Variants in FUNDC1 observed in about 807,000 individuals in gnomAD.
FUNDC1 encodes FUN14 domain-containing protein 1.
A neutral mutation model predicts 14.5 loss-of-function variants in FUNDC1; 10 were observed. That is an observed-to-expected ratio of 0.69 (90% CI 0.43 to 1.17). The LOEUF is 1.17. FUNDC1 is among the 50% of genes most tolerant of loss of function. FUNDC1 has a pLI of 0.00. For synonymous variants in FUNDC1, 33 were observed against 39.7 expected (o/e 0.83, Z 0.64); for missense variants, 115 against 113.8 (o/e 1.01, Z -0.05).
chrX:44,533,485 G>C (rs1402686079), intron 3 of FUNDC1, among the ~76,000 whole-genome samples: 1 of 108,660 alleles, frequency 9.2e-6, no homozygotes, highest in African/African-American at 3.4e-5. Flanking sequence ...AAAATTAGCT[G>C]GGTGTGGTGG....
intron 3 of FUNDC1, among the ~76,000 whole-genome samples, chrX:44,528,956 A>G (rs994554382): frequency 9.0e-6 from 1 of 111,663 alleles, no homozygotes; most frequent in African/African-American, 3.3e-5. Context: ...CGGCCTCCCA[A>G]AGTGCTGGGA....
In FUNDC1 at chrX:44,542,793, C is replaced by G. The variant is rs748553429; in HGVS notation, c.28+12G>C. ...CGCGTCCCAGATACCACTTCGGGCC[C>G]TGGCCGCTCACCTTGGGGAGGGGGG... On this transcript the variant is annotated intron_variant, in intron 1 of 4. Coordinates refer to ENST00000378045, the MANE Select transcript of FUNDC1 (RefSeq NM_173794.4). The G allele has an allele frequency of 1.9e-5, 22 of 1,165,287 alleles. No individual in the cohort carries two copies. The African/African-American group carries it at 3.8e-4, about 20-fold the overall frequency.
At chrX:44,541,065 C>T (rs996251880) in intron 2 of FUNDC1, among the ~76,000 whole-genome samples, 2 of 111,920 alleles carry the variant, frequency 1.8e-5, no homozygotes, top group East Asian at 5.6e-4. Flanking sequence ...AATCAAAAAA[C>T]TCATCGTTAT....
At chrX:44,542,764 G>C in intron 1 of FUNDC1, 41 bp downstream of exon 1, 1 of 1,149,628 alleles carries the variant, frequency 8.7e-7, no homozygotes, top group Non-Finnish European at 1.2e-6. Context: ...CGAGAGCTGT[G>C]AGCCGCGTCC....
intron 3 of FUNDC1, among the ~76,000 whole-genome samples, chrX:44,530,062 C>A (rs2038916436): frequency 8.9e-6 from 1 of 111,902 alleles, no homozygotes; most frequent in South Asian, 3.7e-4. Context: ...GACAAGCAAT[C>A]TGCCCCAAGT....
Position 44,533,027 on chromosome X carries a change from G to A in FUNDC1, c.261+5440C>T, listed in dbSNP as rs145746114. Among the ~76,000 whole-genome samples the A allele has an allele frequency of 3.6e-5, 4 of 111,870 alleles. No homozygotes were observed. In the East Asian group the frequency reaches 1.1e-3, roughly 32 times the overall value. On this transcript the variant is annotated intron_variant, in intron 3 of 4. Coordinates refer to ENST00000378045, the MANE Select transcript of FUNDC1 (RefSeq NM_173794.4). Reference sequence around the variant, plus strand: ...TTTGGATCAACACTCTGAACCTGCAGTCTATTAAGGCAGTCACTTCCAACT... The same window carrying A: ...TTTGGATCAACACTCTGAACCTGCAATCTATTAAGGCAGTCACTTCCAACT...
At chrX:44,538,364 G>C (rs2038957173) in intron 3 of FUNDC1, 103 bp downstream of exon 3, 1 of 574,788 alleles carries the variant, frequency 1.7e-6, no homozygotes, top group African/African-American at 2.3e-5. Context: ...CAAGACAAAA[G>C]TCAGCTTCCA....
intron 3 of FUNDC1, among the ~76,000 whole-genome samples, chrX:44,535,612 G>A (rs1438602393): frequency 1.0e-5 from 1 of 98,046 alleles, no homozygotes; most frequent in Admixed American, 1.1e-4. Context: ...GGAGCTTGCA[G>A]TGAGCTGAGA....
chrX:44,532,395 GAA>G (rs746125483), intron 3 of FUNDC1, among the ~76,000 whole-genome samples: 1 of 39,425 alleles, frequency 2.5e-5, no homozygotes, highest in African/African-American at 8.0e-5. Context: ...CTCTGTCTCA[GAA>G]AAAAAAAAAA....
chrX:44,542,438 C>T (rs1364724221), intron 1 of FUNDC1: 7 of 371,175 alleles, frequency 1.9e-5, no homozygotes, highest in Non-Finnish European at 2.8e-5. Context: ...CCATTTTCAT[C>T]AGTGGGAGGA....
intron 3 of FUNDC1, among the ~76,000 whole-genome samples, chrX:44,527,803 A>G (rs1358083463): frequency 8.9e-6 from 1 of 112,110 alleles, no homozygotes; most frequent in African/African-American, 3.2e-5. Flanking sequence ...AATTAAATAG[A>G]TCTTTAATTA....
chrX:44,529,554 C>T (rs2147472051), intron 3 of FUNDC1, among the ~76,000 whole-genome samples: 1 of 111,299 alleles, frequency 9.0e-6, no homozygotes, highest in East Asian at 2.8e-4. Flanking sequence ...TCTCTATATC[C>T]CTAGAGTCCC....
chrX:44,531,318 ACACACACACACACACACAC>A (rs2038924292), intron 3 of FUNDC1, among the ~76,000 whole-genome samples: 1 of 26,111 alleles, frequency 3.8e-5, no homozygotes, highest in African/African-American at 2.1e-4. Flanking sequence ...TTGGCCAGAC[ACACACACACACACACACAC>A]ACACACACAC....
In FUNDC1 at chrX:44,524,263, TA is replaced by T; in HGVS notation, c.402del (p.Phe134LeufsTer7). ...CTGGATATCACAATGTTCTGCTTGA[TA>T]AATTCTGTTGCCTGAAACAAAGTTT... The part of the protein sequence containing the change: ...INNLIEEATE[F>X]IKQNIVISSG... On this transcript the variant is annotated frameshift_variant, in exon 5 of 5. Coordinates refer to ENST00000378045, the MANE Select transcript of FUNDC1 (RefSeq NM_173794.4). LOFTEE classifies it high-confidence loss of function. The T allele has an allele frequency of 1.7e-6, 2 of 1,197,950 alleles. No homozygotes were observed. Among genetic ancestry groups the T allele is most frequent in the Non-Finnish European group, 2.3e-6 (2 of 883,513 alleles).
chrX:44,524,221 A>G lies in FUNDC1; in HGVS notation c.445T>C (p.Phe149Leu). The change falls in exon 5 of 5, where the codon TTT becomes CTT. Residue 149 changes from phenylalanine (F) to leucine (L), a missense_variant. Physicochemically the swap from Phe to Leu is conservative, Grantham distance 22 (BLOSUM62 0). Transcript: ENST00000378045. ...CCTTAAGATGCAAGTCCGAGCAAAAAGCCTCCCACAAATCCACTGGATATC... is the reference window on the plus strand; with the variant it reads ...CCTTAAGATGCAAGTCCGAGCAAAAGGCCTCCCACAAATCCACTGGATATC... ...IVISSGFVGGFLLGLAS is the reference protein window; with the variant it reads ...IVISSGFVGGLLLGLAS 9.1e-6 allele frequency: 11 copies of G among 1,204,192 alleles called. No homozygotes were observed. The highest frequency in any genetic ancestry group is 1.2e-5 in the Non-Finnish European group (11 of 888,938).
At chrX:44,524,343 T>C (rs1164010444) in intron 4 of FUNDC1, 68 bp from the exon 5 acceptor site, 2 of 731,618 alleles carry the variant, frequency 2.7e-6, no homozygotes, top group East Asian at 3.4e-5. Flanking sequence ...GAAAACATTA[T>C]GCAAAGTGAA....
chrX:44,542,257 T>A, intron 1 of FUNDC1, 156 bp from the exon 2 acceptor site: 1 of 450,892 alleles, frequency 2.2e-6, no homozygotes, highest in South Asian at 3.6e-5. Context: ...ACTCAATTCT[T>A]GAGACCAGGG....
chrX:44,531,273 C>A (rs377620260), intron 3 of FUNDC1, among the ~76,000 whole-genome samples: 4 of 57,510 alleles, frequency 7.0e-5, no homozygotes, highest in East Asian at 9.6e-4. Flanking sequence ...CACACACACA[C>A]ACACACACAC....
chrX:44,530,474 C>T (rs777240550), intron 3 of FUNDC1, among the ~76,000 whole-genome samples: 12 of 109,268 alleles, frequency 1.1e-4, no homozygotes, highest in Admixed American at 4.0e-4. Context: ...GGCATAGTAG[C>T]GCATGCCTGT....
Sources: gnomAD v4.1 joint callset for allele counts (sites outside exome capture counted in the v4.1 genomes callset) on GRCh38, gnomAD v4.1.1 for gene constraint, MANE v1.5 for transcripts, NCBI Gene and HGNC (gene_info 2026-07-23, HGNC 2026-07-21) for gene names.